Variants in CADM2 observed in about 807,000 individuals in gnomAD.
CADM2 encodes immunoglobulin superfamily member 4D.
In CADM2, 12 loss-of-function variants were observed where a neutral mutation model predicts 49.8. The ratio of observed to expected loss-of-function variants is 0.24; its 90% CI spans 0.15 to 0.39. The LOEUF (loss-of-function observed/expected upper bound fraction) is 0.39, where lower values mean the gene tolerates loss of function less well. Ranked by LOEUF, CADM2 falls within the 10% of genes least tolerant of loss-of-function variation. CADM2 has a pLI of 1.00. For synonymous variants in CADM2, 214 were observed against 175.4 expected, an observed-to-expected ratio of 1.22 and a Z score of -1.74; for missense variants, 378 against 492.3, an observed-to-expected ratio of 0.77 and a Z score of 2.20.
chr3:85,918,262 T>C (rs1031068639), intron 6 of CADM2, among the ~76,000 whole-genome samples: 8 of 152,180 alleles, frequency 5.3e-5, no homozygotes, highest in Non-Finnish European at 8.8e-5. Flanking sequence ...CCAGTTTTTG[T>C]CCATTCAGTA....
chr3:85,420,438 A>C (rs72907228), intron 1 of CADM2, among the ~76,000 whole-genome samples: 6,445 of 152,300 alleles, frequency 0.042, 466 homozygotes, highest in African/African-American at 0.15. Flanking sequence ...TGTAATTTCC[A>C]TAGAGAACAT....
At chr3:85,867,055 A>G (rs1211915418) in intron 3 of CADM2, among the ~76,000 whole-genome samples, 7 of 152,296 alleles carry the variant, frequency 4.6e-5, no homozygotes, top group East Asian at 3.9e-4. Context: ...TAGTATAATC[A>G]TACTATAAAT....
chr3:85,070,273 T>C (rs145315146), intron 1 of CADM2, among the ~76,000 whole-genome samples: 3 of 152,302 alleles, frequency 2.0e-5, no homozygotes, highest in African/African-American at 4.8e-5. Flanking sequence ...TATGCCTATA[T>C]AGTTTAATGT....
In CADM2 at chr3:84,996,427, C is replaced by T. The variant is rs114825770; in HGVS notation, c.61+36759C>T. ...AAAAGGAATTTTATTATGGTGTATA[C>T]TCTATTATCAACTGTCTGGACTTGT... On this transcript the variant is annotated intron_variant, in intron 1 of 9. Transcript: ENST00000383699. Among the ~76,000 whole-genome samples, 556 of 152,106 alleles carry T rather than the reference C, an allele frequency of 3.7e-3. 1 individual carries two copies. The highest frequency in any genetic ancestry group is 0.024 in the Middle Eastern group (7 of 294).
rs560060422 is a variant in CADM2, at chr3:85,295,783, T to G, written c.61+336115T>G. 1.9e-4 allele frequency among the ~76,000 whole-genome samples: 28 copies of G among 150,748 alleles called. No homozygotes were observed. In the South Asian group the frequency reaches 3.6e-3, roughly 19 times the overall value. ...CACACTCTGGGGACTGTTGTGGGGT[T>G]GGGGGAGAGGGGAGGGATAGCATTG... On this transcript the variant is annotated intron_variant, in intron 1 of 9. Transcript: ENST00000383699.
intron 1 of CADM2, among the ~76,000 whole-genome samples, chr3:85,138,933 A>G (rs2039497633): frequency 6.6e-6 from 1 of 152,198 alleles, no homozygotes; most frequent in Non-Finnish European, 1.5e-5. Context: ...ATCTGCATTT[A>G]GGAAGATAAA....
At position 85,881,277 on chromosome 3, in the gene CADM2, G is replaced by GT. The variant is rs539633557; in HGVS notation, c.239-2006dup. Among the ~76,000 whole-genome samples the GT allele has an allele frequency of 1.2e-3, 183 of 151,400 alleles. 1 individual carries two copies. The highest frequency in any genetic ancestry group is 3.7e-3 in the African/African-American group (151 of 41,348). On this transcript the variant is annotated intron_variant, in intron 3 of 9. Coordinates refer to ENST00000383699, the MANE Select transcript of CADM2 (RefSeq NM_001167675.2). Reference sequence around the variant, plus strand: ...AACATTTTTCATGCTAAGGTTTTCTGTTTTTTTTATTTGTGTCAAGATCAT... The same window carrying GT: ...AACATTTTTCATGCTAAGGTTTTCTGTTTTTTTTTATTTGTGTCAAGATCAT...
At chr3:85,059,604 G>A (rs1478304569) in intron 1 of CADM2, among the ~76,000 whole-genome samples, 4 of 152,116 alleles carry the variant, frequency 2.6e-5, no homozygotes, top group Non-Finnish European at 5.9e-5. Context: ...GGAGGAACCC[G>A]GTGGGAGGTG....
chr3:85,869,035 T>C (rs928209791), intron 3 of CADM2, among the ~76,000 whole-genome samples: 2 of 152,114 alleles, frequency 1.3e-5, no homozygotes, highest in Non-Finnish European at 2.9e-5. Context: ...TATTTTTCTG[T>C]TTTTTTGTAG....
At chr3:85,472,927 T>G (rs1027428576) in intron 1 of CADM2, among the ~76,000 whole-genome samples, 1 of 152,094 alleles carries the variant, frequency 6.6e-6, no homozygotes, top group African/African-American at 2.4e-5. Context: ...GTAGTCCCTT[T>G]GTAAACCACT....
intron 1 of CADM2, among the ~76,000 whole-genome samples, chr3:85,622,435 G>T (rs2107493685): frequency 6.6e-6 from 1 of 152,204 alleles, no homozygotes. Flanking sequence ...GATGTGAGAA[G>T]AATCCATTGC....
intron 1 of CADM2, among the ~76,000 whole-genome samples, chr3:85,675,281 A>T (rs1375504026): frequency 6.6e-6 from 1 of 152,148 alleles, no homozygotes; most frequent in Non-Finnish European, 1.5e-5. Flanking sequence ...GTATCTTAGG[A>T]TACAAGAACT....
chr3:84,982,434 T>C (rs1012293079), intron 1 of CADM2, among the ~76,000 whole-genome samples: 5 of 151,852 alleles, frequency 3.3e-5, no homozygotes, highest in African/African-American at 1.2e-4. Context: ...TGGATATAAG[T>C]CTAAAAACCT....
intron 1 of CADM2, among the ~76,000 whole-genome samples, chr3:85,606,072 C>T (rs745700044): frequency 1.6e-4 from 24 of 152,004 alleles, no homozygotes; most frequent in South Asian, 1.2e-3. Flanking sequence ...ACAAATACAA[C>T]GAATAGAGAC....
chr3:85,099,582 G>T (rs944120822), intron 1 of CADM2, among the ~76,000 whole-genome samples: 1 of 151,138 alleles, frequency 6.6e-6, no homozygotes. Context: ...CAATTCTCCT[G>T]CATCAGCCTC....
At chr3:85,304,492 G>T (rs2044169406) in intron 1 of CADM2, among the ~76,000 whole-genome samples, 1 of 151,566 alleles carries the variant, frequency 6.6e-6, no homozygotes, top group Admixed American at 6.6e-5. Flanking sequence ...TCTAACATAT[G>T]GTTATTGACA....
At chr3:84,984,752 C>T (rs2032450191) in intron 1 of CADM2, among the ~76,000 whole-genome samples, 1 of 152,188 alleles carries the variant, frequency 6.6e-6, no homozygotes, top group Non-Finnish European at 1.5e-5. Flanking sequence ...TTACTGCTAG[C>T]TACTCCACCC....
rs1274481832 is a variant in CADM2 at position 85,287,879 on chromosome 3, T to C, written c.61+328211T>C. On this transcript the variant is annotated intron_variant, in intron 1 of 9. Transcript: ENST00000383699. ...ACCAAACACCACATGTTCTCACTTA[T>C]AGGTGGAAACTGAACAATGAGAACA... 1.4e-5 allele frequency among the ~76,000 whole-genome samples: 2 copies of C among 144,316 alleles called. 1 individual carries two copies. Among genetic ancestry groups the C allele is most frequent in the South Asian group, 4.3e-4 (2 of 4,676 alleles). 94.7% of individuals were successfully genotyped at this position (144,316 alleles called of 152,430 possible).
At chr3:85,275,336 T>A (rs931773753) in intron 1 of CADM2, among the ~76,000 whole-genome samples, 5 of 151,454 alleles carry the variant, frequency 3.3e-5, no homozygotes, top group African/African-American at 9.7e-5. Flanking sequence ...GCATGAATAA[T>A]AAGTCATCAA....
Sources: allele counts gnomAD v4.1 joint callset (sites outside exome capture counted in the v4.1 genomes callset), GRCh38; gene constraint gnomAD v4.1.1; transcripts MANE v1.5; gene names NCBI Gene and HGNC (gene_info 2026-07-23, HGNC 2026-07-21).